DENND1A: variants seen among roughly 807,000 people sequenced by gnomAD.
DENND1A encodes the protein DENN domain-containing protein 1A.
Under a neutral mutation model 113.7 loss-of-function variants are expected in DENND1A, and 51 were observed. That is an observed-to-expected ratio of 0.45 (90% CI 0.36 to 0.57). The LOEUF (loss-of-function observed/expected upper bound fraction) is 0.57. DENND1A is among the 20% of genes least tolerant of loss of function. The pLI, the probability that DENND1A is intolerant of heterozygous loss-of-function variation, is 0.00. For synonymous variants in DENND1A, 565 were observed against 570.8 expected (o/e 0.99, Z 0.14); for missense variants, 1,258 against 1,395.9 (o/e 0.90, Z 1.57).
At position 123,925,465 on chromosome 9, in the gene DENND1A, T is replaced by A. The variant is rs139027656; in HGVS notation, c.17+4424A>T. Among the ~76,000 whole-genome samples, 755 of 152,310 alleles carry A rather than the reference T, an allele frequency of 5.0e-3. 4 individuals carry two copies. The highest frequency in any genetic ancestry group is 0.018 in the African/African-American group (728 of 41,568). ...GCAATTAACTTATACTGTATTATACTTGTGTTTTGTTTTTTTTGTTGTTTT... is the reference window on the plus strand; with the variant it reads ...GCAATTAACTTATACTGTATTATACATGTGTTTTGTTTTTTTTGTTGTTTT... On this transcript the variant is annotated intron_variant, in intron 1 of 23. Coordinates refer to ENST00000394215, the MANE Select transcript of DENND1A (RefSeq NM_001352964.2).
rs10125184 is a variant in DENND1A, at chr9:123,631,153, A to C, written c.619-677T>G. Among the ~76,000 whole-genome samples, 834 of 152,304 alleles carry C rather than the reference A, an allele frequency of 5.5e-3. 11 individuals carry two copies. The highest frequency in any genetic ancestry group is 0.019 in the African/African-American group (791 of 41,566). On this transcript the variant is annotated intron_variant, in intron 9 of 23. Coordinates refer to ENST00000394215, the MANE Select transcript of DENND1A (RefSeq NM_001352964.2). ...TCTCATAAGTATGTTAGTATAATGA[A>C]TAGATGAAGGATGGAGGCTCTTTAC... is the stretch of plus-strand genomic sequence containing the variant.
intron 2 of DENND1A, among the ~76,000 whole-genome samples, chr9:123,876,097 C>T (rs948576920): frequency 1.1e-4 from 17 of 152,174 alleles, no homozygotes; most frequent in African/African-American, 3.9e-4. Flanking sequence ...ATACATAACA[C>T]TTTTGAGATA....
At chr9:123,709,113 T>C (rs1440018905) in intron 5 of DENND1A, among the ~76,000 whole-genome samples, 1 of 152,118 alleles carries the variant, frequency 6.6e-6, no homozygotes, top group African/African-American at 2.4e-5. Flanking sequence ...GTCAAGTCTG[T>C]TCTATGTCTA....
chr9:123,600,868 G>A (rs2059909582), intron 11 of DENND1A, among the ~76,000 whole-genome samples: 1 of 151,850 alleles, frequency 6.6e-6, no homozygotes, highest in Admixed American at 6.6e-5. Context: ...TGATCTAGTA[G>A]TGGTGAAACT....
chr9:123,401,949 A>G (rs138560936), intron 21 of DENND1A: 68 of 1,614,122 alleles, frequency 4.2e-5, no homozygotes, highest in Non-Finnish European at 5.2e-5. Flanking sequence ...TTACATCTCA[A>G]TATCAACAGG....
intron 2 of DENND1A, chr9:123,842,940 T>C: frequency 3.5e-6 from 1 of 282,542 alleles, no homozygotes; most frequent in South Asian, 3.4e-5. Context: ...GGTGCCTGCA[T>C]TAGGGCCAGG....
intron 13 of DENND1A, among the ~76,000 whole-genome samples, chr9:123,516,314 T>C (rs909772220): frequency 6.6e-6 from 1 of 152,064 alleles, no homozygotes; most frequent in Admixed American, 6.5e-5. Flanking sequence ...AAAGATGTAT[T>C]TGTTACAATT....
At chr9:123,800,844 T>C (rs1834527535) in intron 2 of DENND1A, among the ~76,000 whole-genome samples, 1 of 152,150 alleles carries the variant, frequency 6.6e-6, no homozygotes, top group African/African-American at 2.4e-5. Flanking sequence ...ATCTCATCTA[T>C]GAAAAAAAAT....
At chr9:123,684,319 T>A (rs2064667729) in intron 5 of DENND1A, among the ~76,000 whole-genome samples, 2 of 152,118 alleles carry the variant, frequency 1.3e-5, no homozygotes, top group African/African-American at 4.8e-5. Context: ...TGTCCCTCTC[T>A]TCAGAAGATA....
At chr9:123,899,333 A>G (rs623640) in intron 1 of DENND1A, among the ~76,000 whole-genome samples, 26,560 of 151,996 alleles carry the variant, frequency 0.17, 4,386 homozygotes, top group African/African-American at 0.44. Flanking sequence ...TGAGGCCCAA[A>G]TTGGAAACCT....
At chr9:123,875,418 T>C (rs866389449) in intron 2 of DENND1A, among the ~76,000 whole-genome samples, 3 of 152,156 alleles carry the variant, frequency 2.0e-5, no homozygotes, top group Non-Finnish European at 4.4e-5. Flanking sequence ...ATACAAACTA[T>C]TAAATATTTT....
In DENND1A at chr9:123,637,910, AACACACACACACACAC is replaced by A. The variant is rs10539797; in HGVS notation, c.619-7450_619-7435del. On this transcript the variant is annotated intron_variant, in intron 9 of 23. Coordinates refer to ENST00000394215, the MANE Select transcript of DENND1A (RefSeq NM_001352964.2). ...TATCTTTTGGGAAAGGGAAGGAATAAACACACACACACACACACACACGCACACACACACACACACG... is the reference window on the plus strand; with the variant it reads ...TATCTTTTGGGAAAGGGAAGGAATAAACACACGCACACACACACACACACG... Among the ~76,000 whole-genome samples, 1,271 of 146,090 alleles carry A rather than the reference AACACACACACACACAC, an allele frequency of 8.7e-3. 6 individuals carry two copies. The highest frequency in any genetic ancestry group is 0.028 in the Middle Eastern group (8 of 284).
chr9:123,429,942 G>A (rs1210827949), intron 19 of DENND1A, among the ~76,000 whole-genome samples: 1 of 151,936 alleles, frequency 6.6e-6, no homozygotes, highest in Non-Finnish European at 1.5e-5. Flanking sequence ...TTTTGCAATC[G>A]ATCCATTGAC....
At chr9:123,613,365 TCAGA>T (rs1324646701) in intron 10 of DENND1A, among the ~76,000 whole-genome samples, 3 of 152,210 alleles carry the variant, frequency 2.0e-5, no homozygotes, top group African/African-American at 7.2e-5. Context: ...TTCTTCATAT[TCAGA>T]ATCCAACACA....
At chr9:123,651,273 C>T (rs1052390785) in intron 9 of DENND1A, among the ~76,000 whole-genome samples, 1 of 151,572 alleles carries the variant, frequency 6.6e-6, no homozygotes. Context: ...AAAAATAAAC[C>T]CATGGAAAAT....
intron 13 of DENND1A, among the ~76,000 whole-genome samples, chr9:123,510,073 A>G (rs969688922): frequency 1.3e-5 from 2 of 152,230 alleles, no homozygotes; most frequent in Non-Finnish European, 2.9e-5. Context: ...CTATGACTGC[A>G]CTGCCCGCCA....
chr9:123,402,427 T>C, intron 21 of DENND1A: 1 of 498,366 alleles, frequency 2.0e-6, no homozygotes, highest in East Asian at 5.6e-5. Context: ...CGAAATCATT[T>C]TTTTTCCTTC....
intron 13 of DENND1A, among the ~76,000 whole-genome samples, chr9:123,463,932 A>T (rs904172099): frequency 3.0e-4 from 46 of 151,526 alleles, no homozygotes; most frequent in Middle Eastern, 3.4e-3. Flanking sequence ...AATTAAAAAT[A>T]AAAAAACAAA....
At chr9:123,641,680 C>G (rs1440581762) in intron 9 of DENND1A, among the ~76,000 whole-genome samples, 1 of 152,178 alleles carries the variant, frequency 6.6e-6, no homozygotes, top group Non-Finnish European at 1.5e-5. Context: ...TGATCAGTCT[C>G]TATTATGTCG....
Sources: gnomAD v4.1 joint callset for allele counts (sites outside exome capture counted in the v4.1 genomes callset) on GRCh38, gnomAD v4.1.1 for gene constraint, MANE v1.5 for transcripts, NCBI Gene and HGNC (gene_info 2026-07-23, HGNC 2026-07-21) for gene names.